SYNE2: variants seen among roughly 807,000 people sequenced by gnomAD.
SYNE2 encodes nesprin-2.
A neutral mutation model predicts 856.3 loss-of-function variants in SYNE2; 431 were observed. The ratio of observed to expected loss-of-function variants is 0.50; its 90% CI spans 0.47 to 0.55. The LOEUF (loss-of-function observed/expected upper bound fraction) is 0.55. Among genes scored for constraint, SYNE2 ranks in the 20% least tolerant of loss-of-function variants. The pLI, the probability that SYNE2 is intolerant of heterozygous loss-of-function variation, is 0.00. For synonymous variants in SYNE2, 2,923 were observed against 2,872.3 expected, an observed-to-expected ratio of 1.02 and a Z score of -0.56; for missense variants, 8,129 against 8,023.2, an observed-to-expected ratio of 1.01 and a Z score of -0.50.
In SYNE2 at chr14:63,957,989, C is replaced by T. The variant is rs184561758; in HGVS notation, c.787+3074C>T. Among the ~76,000 whole-genome samples the T allele has an allele frequency of 6.2e-3, 941 of 151,870 alleles. 6 individuals carry two copies. The highest frequency in any genetic ancestry group is 0.022 in the African/African-American group (899 of 41,410). On this transcript the variant is annotated intron_variant, in intron 8 of 115. Transcript: ENST00000555002. ...CCCGGGAGGTGGAGGTTGCAGTGAGCGGAGATCGTGCCACTGCACTGTAGC... is the reference window on the plus strand; with the variant it reads ...CCCGGGAGGTGGAGGTTGCAGTGAGTGGAGATCGTGCCACTGCACTGTAGC...
At chr14:64,106,475 C>T (rs1466886350) in intron 64 of SYNE2, among the ~76,000 whole-genome samples, 1 of 152,124 alleles carries the variant, frequency 6.6e-6, no homozygotes, top group Non-Finnish European at 1.5e-5. Context: ...CGGTGAAACC[C>T]CATCTCTACT....
chr14:64,199,131 A>G (rs2098551261), intron 99 of SYNE2, among the ~76,000 whole-genome samples: 1 of 152,236 alleles, frequency 6.6e-6, no homozygotes, highest in African/African-American at 2.4e-5. Context: ...CTAAGAGCCC[A>G]GGTTGTAGCA....
intron 73 of SYNE2, among the ~76,000 whole-genome samples, 190 bp downstream of exon 73, chr14:64,126,997 G>A (rs1434763315): frequency 6.6e-6 from 1 of 152,214 alleles, no homozygotes; most frequent in Non-Finnish European, 1.5e-5. Context: ...AGTGGCTCAC[G>A]CCTGTAATCC....
rs117356604 is a variant in SYNE2 at position 64,120,852 on chromosome 14, C to G, written c.13024-75C>G. The stretch of plus-strand genomic sequence containing the variant: ...TTCATGTAAAATTTTTCTATGTAGT[C>G]CCATTATTAGAATTGAGATAAAGTG... On this transcript the variant is annotated intron_variant, in intron 67 of 115. Transcript: ENST00000555002. The G allele has an allele frequency of 3.2e-4, 485 of 1,494,082 alleles. 5 individuals carry two copies. In the East Asian group the frequency reaches 9.5e-3, roughly 29 times the overall value. The allele number at this position is 1,494,082 out of a possible 1,614,324, so 92.6% of individuals were successfully genotyped here. A position where few individuals can be genotyped will look rare whatever the true frequency, so the allele number is the denominator to read the frequency against.
Position 64,137,920 on chromosome 14 carries a change from C to T in SYNE2, c.14780C>T (p.Ser4927Phe), listed in dbSNP as rs1343435560. 1.9e-6 allele frequency: 3 copies of T among 1,614,154 alleles called. No individual in the cohort carries two copies. The highest frequency in any genetic ancestry group is 1.1e-5 in the South Asian group (1 of 91,078). ...GCAAAACTGGAAGAGCAGTGGTTGTCCCTGAACAAGAAAATTGACCATGAG... is the reference window on the plus strand; with the variant it reads ...GCAAAACTGGAAGAGCAGTGGTTGTTCCTGAACAAGAAAATTGACCATGAG... ...QIAKLEEQWL[S>F]LNKKIDHELH... The change falls in exon 79 of 116, where the codon TCC becomes TTC. Residue 4927 changes from serine to phenylalanine, a missense_variant. Ser to Phe is a radical substitution (Grantham distance 155). Transcript: ENST00000555002.
intron 108 of SYNE2, among the ~76,000 whole-genome samples, chr14:64,217,431 TAAG>T (rs1311694603): frequency 6.6e-6 from 1 of 152,250 alleles, no homozygotes; most frequent in Non-Finnish European, 1.5e-5. Context: ...CGAGAGAAAT[TAAG>T]GAGAGAATAT....
chr14:64,038,174 G>T (rs570842004), intron 45 of SYNE2, among the ~76,000 whole-genome samples: 3 of 151,372 alleles, frequency 2.0e-5, no homozygotes, highest in East Asian at 1.9e-4. Flanking sequence ...GGGCGGCGGG[G>T]CAGAGACGCT....
rs1247781456 is a variant in SYNE2, at chr14:63,814,862, ATCTC to A, written c.-304-37636_-304-37633del. Among the ~76,000 whole-genome samples the A allele has an allele frequency of 2.5e-3, 222 of 87,792 alleles. 5 individuals carry two copies. The highest frequency in any genetic ancestry group is 8.0e-3 in the African/African-American group (216 of 27,050). The allele number at this position is 87,792 out of a possible 152,430, so 57.6% of individuals were successfully genotyped here. On this transcript the variant is annotated intron_variant, in intron 1 of 23. Transcript: ENST00000674003. ...CATATCTCCATATATATCCATATAT[ATCTC>A]TCCATATATATCCATATATATATCC... is the stretch of plus-strand genomic sequence containing the variant.
In SYNE2 at chr14:63,990,389, T is replaced by C. The variant is rs1189821344; in HGVS notation, c.2314-22T>C. ...TATAATCAGAATGTTTATTGTGATC[T>C]CACTTCAATTTGTTTTAATAGCATC... On this transcript the variant is annotated intron_variant, in intron 19 of 115. Transcript: ENST00000555002. 3 of 1,609,132 alleles carry C rather than the reference T, an allele frequency of 1.9e-6. No individual in the cohort carries two copies. The Admixed American group carries it at 5.0e-5, about 27-fold the overall frequency.
intron 96 of SYNE2, among the ~76,000 whole-genome samples, chr14:64,185,520 T>C (rs1177763671): frequency 6.0e-5 from 1 of 16,600 alleles, no homozygotes; most frequent in African/African-American, 2.6e-4. Flanking sequence ...TTTCTTTTTC[T>C]TTTTTTTTTT....
At chr14:64,191,152 AT>A (rs1478568381) in intron 99 of SYNE2, 1 of 395,306 alleles carries the variant, frequency 2.5e-6, no homozygotes, top group Non-Finnish European at 4.5e-6. Context: ...ATTTAAATTT[AT>A]TATTTAAATT....
At chr14:64,041,797 C>T (rs1310947256) in intron 45 of SYNE2, among the ~76,000 whole-genome samples, 6 of 151,180 alleles carry the variant, frequency 4.0e-5, no homozygotes, top group African/African-American at 1.5e-4. Context: ...CTGCAGTGAA[C>T]CATGTTCACA....
At chr14:63,991,255 C>A in intron 21 of SYNE2, 140 bp downstream of exon 21, 1 of 891,578 alleles carries the variant, frequency 1.1e-6, no homozygotes, top group Non-Finnish European at 1.7e-6. Context: ...CTATATTGTT[C>A]CCCTGAGGTT....
chr14:64,071,754 C>T (rs931685809), intron 52 of SYNE2, among the ~76,000 whole-genome samples: 6 of 152,280 alleles, frequency 3.9e-5, no homozygotes, highest in South Asian at 2.1e-4. Context: ...TGGTGGCTCA[C>T]GCCTGTAATC....
At chr14:63,986,719 T>C in intron 19 of SYNE2, 102 bp downstream of exon 19, 1 of 1,272,956 alleles carries the variant, frequency 7.9e-7, no homozygotes, top group East Asian at 2.4e-5. Context: ...CCTACAGTTT[T>C]AATTTTCTTT....
chr14:64,046,548 T>C (rs1470679608), intron 45 of SYNE2, among the ~76,000 whole-genome samples: 2 of 152,180 alleles, frequency 1.3e-5, no homozygotes, highest in African/African-American at 4.8e-5. Context: ...AGATGGGGTT[T>C]CACCGTGTTA....
At chr14:63,881,514 T>A (rs1273830935) in intron 1 of SYNE2, among the ~76,000 whole-genome samples, 4 of 151,412 alleles carry the variant, frequency 2.6e-5, no homozygotes, top group Non-Finnish European at 4.4e-5. Context: ...AACAATCTGA[T>A]CTTTTGAGTT....
At chr14:63,903,843 A>G (rs909523889) in intron 1 of SYNE2, among the ~76,000 whole-genome samples, 1 of 147,876 alleles carries the variant, frequency 6.8e-6, no homozygotes, top group Non-Finnish European at 1.5e-5. Flanking sequence ...GACATTCTAT[A>G]TATTTTTTTA....
At chr14:63,932,877 G>A (rs370665139) in intron 2 of SYNE2, among the ~76,000 whole-genome samples, 34 of 152,294 alleles carry the variant, frequency 2.2e-4, no homozygotes, top group African/African-American at 7.9e-4. Context: ...AGGGTGAAAC[G>A]TCGTTGGCGA....
Sources: allele counts gnomAD v4.1 joint callset (sites outside exome capture counted in the v4.1 genomes callset), GRCh38; gene constraint gnomAD v4.1.1; transcripts MANE v1.5; gene names NCBI Gene and HGNC (gene_info 2026-07-23, HGNC 2026-07-21).